ZBTB38: variants seen among roughly 807,000 people sequenced by gnomAD.
The protein encoded by ZBTB38 is zinc finger and BTB domain-containing protein 38.
In ZBTB38, 20 loss-of-function variants were observed where a neutral mutation model predicts 76.8. The observed-to-expected ratio is 0.26, with a 90% CI of 0.18 to 0.38. The LOEUF (loss-of-function observed/expected upper bound fraction) is 0.38. Ranked by LOEUF, ZBTB38 falls within the 10% of genes least tolerant of loss-of-function variation. The pLI is 1.00. For synonymous variants in ZBTB38, 504 were observed against 544.2 expected (o/e 0.93, Z 1.03); for missense variants, 1,082 against 1,482.3 (o/e 0.73, Z 4.43).
chr3:141,430,869 C>T (rs77798204), intron 5 of ZBTB38, among the ~76,000 whole-genome samples: 6,389 of 152,218 alleles, frequency 0.042, 244 homozygotes, highest in Admixed American at 0.095. Context: ...TTCAATCAGC[C>T]AGCCCTTTGG....
At chr3:141,372,162 T>A (rs551439477) in intron 2 of ZBTB38, among the ~76,000 whole-genome samples, 2 of 152,332 alleles carry the variant, frequency 1.3e-5, no homozygotes, top group South Asian at 4.1e-4. Flanking sequence ...TGGCCTACTC[T>A]CCTGTTATGG....
intron 5 of ZBTB38, among the ~76,000 whole-genome samples, chr3:141,440,433 A>G (rs2079863556): frequency 6.6e-6 from 1 of 152,252 alleles, no homozygotes; most frequent in Non-Finnish European, 1.5e-5. Flanking sequence ...ACAAAAAGGT[A>G]GAGAGGTTCT....
At chr3:141,438,672 A>C (rs1408006007) in intron 5 of ZBTB38, among the ~76,000 whole-genome samples, 1 of 152,174 alleles carries the variant, frequency 6.6e-6, no homozygotes, top group Non-Finnish European at 1.5e-5. Flanking sequence ...TGAGCCTTTC[A>C]GCATACTGCA....
At chr3:141,343,527 G>A (rs1160543092) in intron 1 of ZBTB38, among the ~76,000 whole-genome samples, 3 of 152,182 alleles carry the variant, frequency 2.0e-5, no homozygotes, top group African/African-American at 4.8e-5. Context: ...CTCAAAGAGG[G>A]TGACTAAGGC....
rs1338563053 is a variant in ZBTB38 at position 141,413,118 on chromosome 3, G to T, written c.-1+9087G>T. Among the ~76,000 whole-genome samples the T allele has an allele frequency of 1.3e-5, 2 of 152,236 alleles. No individual in the cohort carries two copies. Among genetic ancestry groups the T allele is most frequent in the East Asian group, 3.8e-4 (2 of 5,204 alleles). ...GGAAATGGGGAAGAAGAAAATGTTT[G>T]TGCAGGGAAAGTGTGTACGTGGACT... is the stretch of plus-strand genomic sequence containing the variant. On this transcript the variant is annotated intron_variant, in intron 5 of 5. Coordinates refer to ENST00000321464, the MANE Select transcript of ZBTB38 (RefSeq NM_001376113.1). This position sits in a 1 kb window ranked among gnomAD's most constrained non-coding sequence, Gnocchi z 4.1.
chr3:141,337,051 C>T (rs1943033625), intron 1 of ZBTB38, among the ~76,000 whole-genome samples: 1 of 152,198 alleles, frequency 6.6e-6, no homozygotes, highest in Admixed American at 6.5e-5. Flanking sequence ...GCTGAAGTCT[C>T]CTTTGACGCC....
chr3:141,417,013 A>G (rs1043848157), intron 5 of ZBTB38, among the ~76,000 whole-genome samples: 2 of 152,198 alleles, frequency 1.3e-5, no homozygotes, highest in Admixed American at 6.5e-5. Context: ...GGAAACAAGT[A>G]CAGTGTCCAA....
chr3:141,431,796 C>G (rs1329303517), intron 5 of ZBTB38: 3 of 152,188 alleles, frequency 2.0e-5, no homozygotes, highest in African/African-American at 7.2e-5. Flanking sequence ...TTAGAACAGC[C>G]TGAATTTCAG....
chr3:141,327,709 TGTTA>T (rs1942715261), intron 1 of ZBTB38, among the ~76,000 whole-genome samples: 1 of 152,246 alleles, frequency 6.6e-6, no homozygotes, highest in Admixed American at 6.5e-5. Flanking sequence ...TGTATTGGCC[TGTTA>T]GTTGTAAGAA....
In ZBTB38 at chr3:141,442,344, C is replaced by A; in HGVS notation, c.1-45C>A. 7.0e-7 allele frequency: 1 copy of A among 1,425,116 alleles called. No homozygotes were observed. Among genetic ancestry groups the A allele is most frequent in the Non-Finnish European group, 9.6e-7 (1 of 1,037,424 alleles). The allele number at this position is 1,425,116 out of a possible 1,614,324, so 88.3% of individuals were successfully genotyped here. On this transcript the variant is annotated intron_variant, in intron 5 of 5. Coordinates refer to ENST00000321464, the MANE Select transcript of ZBTB38 (RefSeq NM_001376113.1). The surrounding 1 kb of genome is among the most constrained non-coding windows in gnomAD (Gnocchi z 6.4). ...GGAAAATAGTCTAGAGATAAAGAAG[C>A]CACCTGTGGAAGATTATCTGACCAT...
chr3:141,392,270 G>A (rs1172699285), intron 4 of ZBTB38, among the ~76,000 whole-genome samples: 2 of 152,064 alleles, frequency 1.3e-5, no homozygotes, highest in African/African-American at 4.8e-5. Context: ...GTGGTAAAGG[G>A]GCTCTCTGCC....
chr3:141,420,258 CA>C (rs2075065050), intron 5 of ZBTB38, among the ~76,000 whole-genome samples: 1 of 152,084 alleles, frequency 6.6e-6, no homozygotes, highest in Non-Finnish European at 1.5e-5. Context: ...TAGAGAAGAA[CA>C]GTTGAAAATT....
At chr3:141,345,446 T>G (rs1000379686) in intron 1 of ZBTB38, among the ~76,000 whole-genome samples, 4 of 152,122 alleles carry the variant, frequency 2.6e-5, no homozygotes, top group Admixed American at 2.0e-4. Context: ...CATGGGGGCA[T>G]GAAGAAATGA....
chr3:141,420,683 GGAA>G (rs1248862784), intron 5 of ZBTB38, among the ~76,000 whole-genome samples: 3 of 152,108 alleles, frequency 2.0e-5, no homozygotes, highest in African/African-American at 7.2e-5. Context: ...TGATTTTTGG[GGAA>G]GAAGAATGAT....
rs560151159 is a variant in ZBTB38 at position 141,327,100 on chromosome 3, G to A, written c.-739+2644G>A. Among the ~76,000 whole-genome samples the A allele has an allele frequency of 3.6e-3, 542 of 152,304 alleles. 1 individual carries two copies. The highest frequency in any genetic ancestry group is 0.013 in the African/African-American group (523 of 41,558). ...GTAAAGTCAGGCTCTATAGTTGACA[G>A]GCCTGTGTGTTCTTAAAAGGGTGTC... On this transcript the variant is annotated intron_variant, in intron 1 of 7. Transcript: ENST00000509842.
chr3:141,443,235 C>A lies in ZBTB38; in HGVS notation c.847C>A (p.Pro283Thr). 1.2e-6 allele frequency: 2 copies of A among 1,614,198 alleles called. No homozygotes were observed. Among genetic ancestry groups the A allele is most frequent in the Non-Finnish European group, 1.7e-6 (2 of 1,180,036 alleles). ...QDSDSATENI[P>T]PPPVSNLEVN... ...TTCGGATTCAGCCACAGAAAATATA[C>A]CACCCCCTCCAGTATCCAACTTAGA... Residue 283 changes from proline (P) to threonine (T), a missense_variant, in exon 6 of 6, where the codon CCA (proline) becomes ACA (threonine). Physicochemically the swap from Pro to Thr is conservative, Grantham distance 38. Transcript: ENST00000321464. This position sits in a 1 kb window ranked among gnomAD's most constrained non-coding sequence, Gnocchi z 5.6.
At chr3:141,362,510 A>G (rs1255604374) in intron 1 of ZBTB38, among the ~76,000 whole-genome samples, 1 of 152,214 alleles carries the variant, frequency 6.6e-6, no homozygotes, top group Non-Finnish European at 1.5e-5. Context: ...TATATCAGAC[A>G]TTGCACTAAG....
chr3:141,343,231 C>G (rs569532793), intron 1 of ZBTB38, among the ~76,000 whole-genome samples: 1 of 152,226 alleles, frequency 6.6e-6, no homozygotes, highest in East Asian at 1.9e-4. Flanking sequence ...AATCCTTCCC[C>G]ACTCAGGGAA....
At chr3:141,340,984 A>AAGAAAGAAAGAAAGAAAGAAAG (rs1559913290) in intron 1 of ZBTB38, among the ~76,000 whole-genome samples, 23 of 144,228 alleles carry the variant, frequency 1.6e-4, no homozygotes, top group African/African-American at 5.6e-4. Context: ...GAAAGAAAGA[A>AAGAAAGAAAGAAAGAAAGAAAG]AGAAAGAGAA....
Sources: gnomAD v4.1 joint callset for allele counts (sites outside exome capture counted in the v4.1 genomes callset) on GRCh38, gnomAD v4.1.1 for gene constraint, Gnocchi (gnomAD v3.1) non-coding constraint, MANE v1.5 for transcripts, NCBI Gene and HGNC (gene_info 2026-07-23, HGNC 2026-07-21) for gene names.